The following KCNU1 variants were observed in gnomAD, a reference collection of about 807,000 sequenced individuals.
KCNU1 encodes potassium calcium-activated channel subfamily U member 1.
KCNU1 carries 93 observed loss-of-function variants against 126.8 expected under a neutral mutation model. The ratio of observed to expected loss-of-function variants is 0.73; its 90% CI spans 0.62 to 0.87. KCNU1 has a LOEUF of 0.87. Among genes scored for constraint, KCNU1 ranks in the 40% least tolerant of loss-of-function variants. The pLI, the probability that KCNU1 is intolerant of heterozygous loss-of-function variation, is 0.00. For synonymous variants in KCNU1, 523 were observed against 494.2 expected (o/e 1.06, Z -0.77); for missense variants, 1,330 against 1,367.1 (o/e 0.97, Z 0.43).
chr8:36,798,727 G>C (rs1379735244), intron 2 of KCNU1, among the ~76,000 whole-genome samples: 1 of 152,066 alleles, frequency 6.6e-6, no homozygotes, highest in Non-Finnish European at 1.5e-5. Flanking sequence ...CTATATCCTG[G>C]AAGCTCCCCA....
intron 16 of KCNU1, among the ~76,000 whole-genome samples, chr8:36,844,000 C>T (rs1190126555): frequency 6.6e-6 from 1 of 152,146 alleles, no homozygotes; most frequent in African/African-American, 2.4e-5. Flanking sequence ...TTCTCAAATA[C>T]AGTCAAATAT....
Position 36,833,652 on chromosome 8 carries a change from G to A in KCNU1, c.1205G>A (p.Arg402Gln), listed in dbSNP as rs1211568316. Residue 402 changes from arginine to glutamine, a missense_variant, in exon 11 of 27, where the codon CGA becomes CAA. This residue lies in a region of KCNU1 where 1,054 missense variants were observed against 1,053.9 expected (regional missense o/e 1.00). Coordinates refer to ENST00000399881, the MANE Select transcript of KCNU1 (RefSeq NM_001031836.3). ...GCAATGAAGTGGGAGGATCTGAGGC[G>A]AGTTGCGGTAAGATCTAGCTGTTTT... ...GSAMKWEDLRRVAVESAEACL... is the reference protein window; with the variant it reads ...GSAMKWEDLRQVAVESAEACL... The A allele has an allele frequency of 4.4e-6, 7 of 1,599,426 alleles. No homozygotes were observed. Among genetic ancestry groups the A allele is most frequent in the Non-Finnish European group, 6.0e-6 (7 of 1,167,164 alleles).
At chr8:36,876,843 T>C (rs928952844) in intron 19 of KCNU1, among the ~76,000 whole-genome samples, 6 of 152,136 alleles carry the variant, frequency 3.9e-5, no homozygotes, top group Non-Finnish European at 7.4e-5. Context: ...TGTCTAATAA[T>C]ATACGCCCTG....
intron 14 of KCNU1, 88 bp downstream of exon 14, chr8:36,837,033 C>T: frequency 8.0e-7 from 1 of 1,253,068 alleles, no homozygotes; most frequent in South Asian, 1.3e-5. Flanking sequence ...TTGAGAAAAG[C>T]ATCAAGGCCC....
intron 14 of KCNU1, 80 bp from the exon 15 acceptor site, chr8:36,840,383 T>C: frequency 2.8e-6 from 2 of 701,966 alleles, no homozygotes; most frequent in Admixed American, 2.3e-5. Flanking sequence ...TTGTTTGTGC[T>C]TAGCAGAATA....
At chr8:36,922,998 G>T in intron 24 of KCNU1, 1 of 465,182 alleles carries the variant, frequency 2.1e-6, no homozygotes, top group Non-Finnish European at 4.3e-6. Flanking sequence ...GTGGAAATTG[G>T]CCATAAAGGG....
intron 25 of KCNU1, 122 bp from the exon 26 acceptor site, chr8:36,932,798 G>A: frequency 1.6e-6 from 1 of 644,286 alleles, no homozygotes; most frequent in Non-Finnish European, 2.8e-6. Context: ...CCACCACAAA[G>A]ATATTAGGAA....
chr8:36,819,375 G>A (rs957994714), intron 10 of KCNU1, among the ~76,000 whole-genome samples: 3 of 152,062 alleles, frequency 2.0e-5, no homozygotes, highest in Non-Finnish European at 4.4e-5. Context: ...TTCTATCCTA[G>A]TAAATGAGAC....
At chr8:36,834,904 T>A (rs1804690169) in intron 12 of KCNU1, 36 bp downstream of exon 12, 1 of 1,382,332 alleles carries the variant, frequency 7.2e-7, no homozygotes, top group Admixed American at 1.8e-5. Context: ...TAACGATTAT[T>A]TTTTTCTATC....
rs572477341 is a variant in KCNU1 at position 36,936,013 on chromosome 8, A to G, written c.*93A>G. On this transcript the variant is annotated 3_prime_UTR_variant, in exon 27 of 27. Transcript: ENST00000399881. The stretch of plus-strand genomic sequence containing the variant: ...GAACAAAGAAAATAAGAATGGAAGC[A>G]TGCCATTTTTCTGCCCATTGCTTAG... The G allele has an allele frequency of 2.9e-4, 367 of 1,246,362 alleles. No homozygotes were observed. Among genetic ancestry groups the G allele is most frequent in the Non-Finnish European group, 3.8e-4 (340 of 905,002 alleles). 77.2% of individuals were successfully genotyped at this position (1,246,362 alleles called of 1,614,324 possible).
chr8:36,851,085 T>A (rs1050810317), intron 18 of KCNU1, among the ~76,000 whole-genome samples: 1 of 152,198 alleles, frequency 6.6e-6, no homozygotes. Context: ...TCCATGTGGG[T>A]CAGGATCAAT....
chr8:36,791,998 A>T (rs941340474), intron 2 of KCNU1, among the ~76,000 whole-genome samples: 2 of 152,208 alleles, frequency 1.3e-5, no homozygotes, highest in Non-Finnish European at 2.9e-5. Flanking sequence ...AAATAAAGAA[A>T]ACACTGTCAG....
At chr8:36,874,450 T>C (rs927712763) in intron 19 of KCNU1, among the ~76,000 whole-genome samples, 3 of 152,124 alleles carry the variant, frequency 2.0e-5, no homozygotes, top group African/African-American at 7.2e-5. Context: ...CACAGGGTCA[T>C]AGTGGGAACG....
intron 2 of KCNU1, among the ~76,000 whole-genome samples, chr8:36,801,282 G>A (rs940947077): frequency 6.6e-6 from 1 of 152,132 alleles, no homozygotes; most frequent in South Asian, 2.1e-4. Context: ...TGCTTGATGG[G>A]CACCAGGTGA....
chr8:36,893,014 T>G (rs1218081159), intron 19 of KCNU1, among the ~76,000 whole-genome samples: 1 of 152,200 alleles, frequency 6.6e-6, no homozygotes, highest in Non-Finnish European at 1.5e-5. Context: ...CAGGACAGCA[T>G]GCAGTGGCAT....
intron 2 of KCNU1, among the ~76,000 whole-genome samples, chr8:36,793,280 C>T (rs1298357642): frequency 6.6e-6 from 1 of 151,868 alleles, no homozygotes; most frequent in East Asian, 1.9e-4. Context: ...GTACCACACA[C>T]CAACGTGGCA....
At chr8:36,917,472 T>C (rs1310503148) in intron 22 of KCNU1, among the ~76,000 whole-genome samples, 1 of 151,466 alleles carries the variant, frequency 6.6e-6, no homozygotes, top group Non-Finnish European at 1.5e-5. Flanking sequence ...CACCTCAGCC[T>C]CCTAGGTAGC....
intron 19 of KCNU1, among the ~76,000 whole-genome samples, chr8:36,902,325 T>A (rs144541206): frequency 1.9e-4 from 29 of 152,214 alleles, no homozygotes; most frequent in African/African-American, 6.7e-4. Context: ...CTATTCTGAG[T>A]CATGTTAAAA....
chr8:36,857,203 TG>T (rs1563298535), intron 18 of KCNU1, among the ~76,000 whole-genome samples: 1 of 152,194 alleles, frequency 6.6e-6, no homozygotes, highest in Non-Finnish European at 1.5e-5. Context: ...ACCTCTGCCT[TG>T]GGGGTGAGCT....
Sources: allele counts gnomAD v4.1 joint callset (sites outside exome capture counted in the v4.1 genomes callset), GRCh38; gene constraint gnomAD v4.1.1; regional missense constraint gnomAD v4.1.1; transcripts MANE v1.5; gene names NCBI Gene and HGNC (gene_info 2026-07-23, HGNC 2026-07-21).